OSBPL9: variants seen among roughly 807,000 people sequenced by gnomAD.
OSBPL9 encodes oxysterol binding protein like 9.
Under a neutral mutation model 106.6 loss-of-function variants are expected in OSBPL9, and 40 were observed. That is an observed-to-expected ratio of 0.38 (90% confidence interval 0.29 to 0.49). OSBPL9 has a LOEUF of 0.49. Ranked by LOEUF, OSBPL9 falls within the 20% of genes least tolerant of loss-of-function variation. OSBPL9 has a pLI of 0.97. For missense variants in OSBPL9, 609 were observed against 887.2 expected (o/e 0.69, Z 3.98); for synonymous variants, 269 against 295.4 (o/e 0.91, Z 0.92).
chr1:51,711,473 C>A (rs1283739990), intron 3 of OSBPL9, among the ~76,000 whole-genome samples: 3 of 133,360 alleles, frequency 2.2e-5, no homozygotes, highest in East Asian at 4.3e-4. Context: ...CTGACCCCCC[C>A]ACCTCCCTCC....
the OSBPL9 span, among the ~76,000 whole-genome samples, chr1:51,529,479 A>C: frequency 1.3e-5 from 2 of 151,932 alleles, no homozygotes; most frequent in Admixed American, 1.3e-4. Flanking sequence ...TCCTGACCTC[A>C]TGATCCACCT....
At chr1:51,681,175 G>A (rs1326465276) in intron 3 of OSBPL9, among the ~76,000 whole-genome samples, 1 of 152,152 alleles carries the variant, frequency 6.6e-6, no homozygotes, top group Non-Finnish European at 1.5e-5. Context: ...GTATTAGTGT[G>A]AGGAGTAGAT....
chr1:51,535,337 T>C, the OSBPL9 span, among the ~76,000 whole-genome samples: 1 of 152,184 alleles, frequency 6.6e-6, no homozygotes, highest in East Asian at 1.9e-4. Flanking sequence ...ACAGGATGTC[T>C]GATCTAAGCC....
At position 51,788,426 on chromosome 1, in the gene OSBPL9, C is replaced by G. The variant is rs186029119; in HGVS notation, c.*637C>G. On this transcript the variant is annotated 3_prime_UTR_variant, in exon 24 of 24. Coordinates refer to ENST00000428468, the MANE Select transcript of OSBPL9 (RefSeq NM_024586.6). ...ACAGTTTAATTAATTATTCTTAGTG[C>G]TTAAGGCTTCATAAAGTAATTTTTC... 1.3e-5 allele frequency: 2 copies of G among 152,618 alleles called. No individual in the cohort carries two copies. The highest frequency in any genetic ancestry group is 3.9e-4 in the East Asian group (2 of 5,186). 9.5% of individuals were successfully genotyped at this position (152,618 alleles called of 1,614,324 possible). A position where few individuals can be genotyped will look rare whatever the true frequency, so the allele number is the denominator to read the frequency against.
intron 1 of OSBPL9, among the ~76,000 whole-genome samples, chr1:51,627,052 T>G (rs777349243): frequency 4.6e-5 from 7 of 152,184 alleles, no homozygotes; most frequent in Admixed American, 3.3e-4. Flanking sequence ...TTGTCCATCC[T>G]GGAGTGCAGT....
the OSBPL9 span, among the ~76,000 whole-genome samples, chr1:51,530,253 A>G: frequency 6.6e-6 from 1 of 150,458 alleles, no homozygotes; most frequent in African/African-American, 2.4e-5. Context: ...TAGAGGAGGC[A>G]ATGATTTCTT....
the OSBPL9 span, among the ~76,000 whole-genome samples, chr1:51,520,534 T>A: frequency 2.6e-5 from 4 of 152,188 alleles, no homozygotes; most frequent in African/African-American, 9.7e-5. Flanking sequence ...CTGCTTTATC[T>A]CCCTCATAGT....
intron 4 of OSBPL9, among the ~76,000 whole-genome samples, chr1:51,730,351 T>G (rs1664102512): frequency 6.6e-6 from 1 of 152,232 alleles, no homozygotes; most frequent in African/African-American, 2.4e-5. Context: ...AAAGTTAAGC[T>G]TTCTCTTATG....
chr1:51,668,960 G>A (rs1649185810), intron 2 of OSBPL9, among the ~76,000 whole-genome samples: 1 of 152,110 alleles, frequency 6.6e-6, no homozygotes, highest in Admixed American at 6.5e-5. Context: ...GAAGGGGTTG[G>A]GACAGTGTTT....
At chr1:51,630,354 A>G (rs549155320) in intron 1 of OSBPL9, among the ~76,000 whole-genome samples, 12 of 152,184 alleles carry the variant, frequency 7.9e-5, no homozygotes, top group Middle Eastern at 3.4e-3. Flanking sequence ...AGGCCTTTCA[A>G]TTTTCAAAAG....
intron 6 of OSBPL9, among the ~76,000 whole-genome samples, chr1:51,747,041 C>T (rs576307639): frequency 6.6e-6 from 1 of 152,342 alleles, no homozygotes; most frequent in Admixed American, 6.5e-5. Flanking sequence ...ACGATCTCAG[C>T]TCACTGCAAC....
intron 8 of OSBPL9, among the ~76,000 whole-genome samples, chr1:51,755,096 T>C (rs1449187286): frequency 6.6e-6 from 1 of 151,810 alleles, no homozygotes; most frequent in Admixed American, 6.5e-5. Context: ...CATGACTCTT[T>C]CTCTTTTTGC....
chr1:51,688,030 TATGA>T (rs1395945808), intron 3 of OSBPL9, among the ~76,000 whole-genome samples: 4 of 152,120 alleles, frequency 2.6e-5, no homozygotes, highest in Non-Finnish European at 5.9e-5. Context: ...ATGGATGGAC[TATGA>T]ATGGAACATG....
At chr1:51,634,869 G>A (rs1249016198) in intron 1 of OSBPL9, among the ~76,000 whole-genome samples, 1 of 152,172 alleles carries the variant, frequency 6.6e-6, no homozygotes, top group Non-Finnish European at 1.5e-5. Context: ...GGCAAAGAGA[G>A]AATAAGAACC....
At chr1:51,571,697 T>C in the OSBPL9 span, among the ~76,000 whole-genome samples, 13 of 152,170 alleles carry the variant, frequency 8.5e-5, no homozygotes, top group South Asian at 2.7e-3. Flanking sequence ...GAACAAAGTA[T>C]GCTTACTTCC....
intron 1 of OSBPL9, among the ~76,000 whole-genome samples, chr1:51,588,810 C>T (rs920972386): frequency 6.6e-6 from 1 of 152,154 alleles, no homozygotes; most frequent in Non-Finnish European, 1.5e-5. Flanking sequence ...GATAATTTCC[C>T]AGGGCAATTC....
At chr1:51,685,325 G>A (rs773228357) in intron 3 of OSBPL9, among the ~76,000 whole-genome samples, 12 of 152,004 alleles carry the variant, frequency 7.9e-5, no homozygotes, top group South Asian at 2.1e-4. Context: ...CTGGTAATGC[G>A]TAGACTGCAC....
chr1:51,519,109 G>T, the OSBPL9 span: 1 of 892,382 alleles, frequency 1.1e-6, no homozygotes, highest in Non-Finnish European at 1.6e-6. Context: ...CTGCCTGCTT[G>T]GCCCACAAGC....
intron 4 of OSBPL9, among the ~76,000 whole-genome samples, chr1:51,723,511 T>A (rs1023406635): frequency 7.9e-5 from 12 of 152,104 alleles, no homozygotes; most frequent in Non-Finnish European, 1.3e-4. Flanking sequence ...TTCTTCCCTG[T>A]CTTCCTTCCT....
Sources: gnomAD v4.1 joint callset for allele counts (sites outside exome capture counted in the v4.1 genomes callset) on GRCh38, gnomAD v4.1.1 for gene constraint, MANE v1.5 for transcripts, NCBI Gene and HGNC (gene_info 2026-07-23, HGNC 2026-07-21) for gene names.